The following HHAT variants were observed in gnomAD, a reference collection of about 807,000 sequenced individuals.
HHAT encodes the protein hedgehog acyltransferase.
A neutral mutation model predicts 70.8 loss-of-function variants in HHAT; 47 were observed. That is an observed-to-expected ratio of 0.66 (90% CI 0.53 to 0.85). The LOEUF (loss-of-function observed/expected upper bound fraction) is 0.85, where lower values mean the gene tolerates loss of function less well. HHAT is among the 40% of genes least tolerant of loss of function. The pLI is 0.00. For synonymous variants in HHAT, 228 were observed against 247.6 expected (o/e 0.92, Z 0.74); for missense variants, 609 against 604.8 (o/e 1.01, Z -0.07).
At chr1:210,494,598 C>A (rs1276197571) in intron 8 of HHAT, among the ~76,000 whole-genome samples, 1 of 117,384 alleles carries the variant, frequency 8.5e-6, no homozygotes, top group East Asian at 2.6e-4. Context: ...TTTTCCCAGG[C>A]TGGAGTGCAA....
At chr1:210,428,206 T>C (rs1015069987) in intron 7 of HHAT, among the ~76,000 whole-genome samples, 6 of 149,498 alleles carry the variant, frequency 4.0e-5, no homozygotes, top group Non-Finnish European at 8.9e-5. Flanking sequence ...TGATAAACTC[T>C]CAATACTTGT....
intron 11 of HHAT, among the ~76,000 whole-genome samples, chr1:210,631,703 G>A (rs528375612): frequency 6.6e-5 from 10 of 152,308 alleles, no homozygotes; most frequent in South Asian, 2.1e-4. Flanking sequence ...TAAGGGCGGC[G>A]CTGGAAATGC....
At chr1:210,633,711 C>T (rs375726048) in intron 11 of HHAT, among the ~76,000 whole-genome samples, 1 of 152,210 alleles carries the variant, frequency 6.6e-6, no homozygotes, top group South Asian at 2.1e-4. Flanking sequence ...GTATGTCACC[C>T]TGTGTCAGGC....
chr1:210,376,847 G>A (rs148322025), intron 3 of HHAT, among the ~76,000 whole-genome samples: 1 of 152,340 alleles, frequency 6.6e-6, no homozygotes, highest in East Asian at 1.9e-4. Context: ...TGGGATTATG[G>A]AGGGTTCCCT....
rs144132898 is a variant in HHAT, at chr1:210,484,678, A to G, written c.1007+20023A>G. On this transcript the variant is annotated intron_variant, in intron 8 of 11. Transcript: ENST00000261458. ...TCTGACTTTGGCACTTACCAGTGGCACTAGGCATTCTTTTGAAAACATGAG... is the reference window on the plus strand; with the variant it reads ...TCTGACTTTGGCACTTACCAGTGGCGCTAGGCATTCTTTTGAAAACATGAG... Among the ~76,000 whole-genome samples the G allele has an allele frequency of 5.5e-4, 84 of 152,298 alleles. 1 individual carries two copies. Among genetic ancestry groups the G allele is most frequent in the Admixed American group, 4.0e-3 (61 of 15,288 alleles).
intron 8 of HHAT, among the ~76,000 whole-genome samples, chr1:210,509,993 C>T (rs1359490887): frequency 1.3e-5 from 2 of 152,104 alleles, no homozygotes; most frequent in Non-Finnish European, 2.9e-5. Context: ...TTTCAAAGCC[C>T]TAAGATGTGC....
chr1:210,599,818 C>T (rs1663836062), intron 10 of HHAT, among the ~76,000 whole-genome samples: 2 of 152,124 alleles, frequency 1.3e-5, no homozygotes, highest in African/African-American at 4.8e-5. Context: ...CCTATAGTGA[C>T]TCCCATTGTC....
intron 7 of HHAT, among the ~76,000 whole-genome samples, chr1:210,455,571 G>A (rs1397133429): frequency 6.6e-6 from 1 of 151,986 alleles, no homozygotes; most frequent in Non-Finnish European, 1.5e-5. Flanking sequence ...TGGTGACTTG[G>A]AGACAGCTGA....
intron 7 of HHAT, among the ~76,000 whole-genome samples, chr1:210,427,377 TC>T (rs1351056712): frequency 6.6e-6 from 1 of 152,208 alleles, no homozygotes; most frequent in Admixed American, 6.5e-5. Context: ...GTTCTCTAGT[TC>T]TTTTACTTTT....
At chr1:210,553,394 T>TG (rs1394655373) in intron 9 of HHAT, among the ~76,000 whole-genome samples, 1 of 152,134 alleles carries the variant, frequency 6.6e-6, no homozygotes, top group African/African-American at 2.4e-5. Flanking sequence ...GCCTTCCAGA[T>TG]GGAGGGGAGG....
At chr1:210,584,468 C>T (rs1659986672) in intron 9 of HHAT, among the ~76,000 whole-genome samples, 2 of 152,128 alleles carry the variant, frequency 1.3e-5, no homozygotes, top group East Asian at 3.8e-4. Context: ...GCAGTTACCT[C>T]CATGCAGGTA....
At chr1:210,501,483 G>A (rs1322247317) in intron 8 of HHAT, among the ~76,000 whole-genome samples, 1 of 152,194 alleles carries the variant, frequency 6.6e-6, no homozygotes, top group Non-Finnish European at 1.5e-5. Context: ...CTCATAGAGG[G>A]GTGGTGGAGT....
intron 4 of HHAT, among the ~76,000 whole-genome samples, chr1:210,394,287 T>G (rs920716095): frequency 1.4e-5 from 2 of 145,792 alleles, no homozygotes; most frequent in Non-Finnish European, 3.0e-5. Context: ...AATAAAACTT[T>G]CCACTGAGTT....
chr1:210,514,509 A>G (rs1051652613), intron 9 of HHAT, among the ~76,000 whole-genome samples: 5 of 152,202 alleles, frequency 3.3e-5, no homozygotes, highest in Non-Finnish European at 7.3e-5. Flanking sequence ...GGTGCTTTGT[A>G]CAACTCCCAT....
At chr1:210,538,325 A>T (rs1367737974) in intron 9 of HHAT, among the ~76,000 whole-genome samples, 1 of 152,166 alleles carries the variant, frequency 6.6e-6, no homozygotes, top group Non-Finnish European at 1.5e-5. Flanking sequence ...TTCCACTGTA[A>T]TGTAAGGGAC....
intron 4 of HHAT, among the ~76,000 whole-genome samples, chr1:210,393,524 TG>T (rs1417340805): frequency 4.6e-5 from 7 of 152,114 alleles, no homozygotes; most frequent in Non-Finnish European, 1.0e-4. Flanking sequence ...TGGGAGAAGG[TG>T]TAGGTCTCAC....
At chr1:210,376,368 G>C (rs751616160) in intron 3 of HHAT, among the ~76,000 whole-genome samples, 1 of 152,018 alleles carries the variant, frequency 6.6e-6, no homozygotes, top group Non-Finnish European at 1.5e-5. Flanking sequence ...CCTTACATTC[G>C]TTTTATATGT....
rs148837415 is a variant in HHAT, at chr1:210,547,907, T to G, written c.1043+34719T>G. Among the ~76,000 whole-genome samples, 146 of 152,280 alleles carry G rather than the reference T, an allele frequency of 9.6e-4. 1 individual carries two copies. The East Asian group carries it at 0.016, about 17-fold the overall frequency. ...GTGTGTGTGTACACAGCAGAGCAGA[T>G]TAACTTTGGAACAATGAATGGCATT... On this transcript the variant is annotated intron_variant, in intron 9 of 11. Transcript: ENST00000261458.
intron 7 of HHAT, among the ~76,000 whole-genome samples, chr1:210,444,454 C>T (rs987049369): frequency 2.6e-4 from 36 of 138,008 alleles, no homozygotes; most frequent in African/African-American, 7.8e-4. Context: ...TGGTAGAATT[C>T]GGCTGTGAAG....
Sources: gnomAD v4.1 joint callset for allele counts (sites outside exome capture counted in the v4.1 genomes callset) on GRCh38, gnomAD v4.1.1 for gene constraint, MANE v1.5 for transcripts, NCBI Gene and HGNC (gene_info 2026-07-23, HGNC 2026-07-21) for gene names.